Variants in OSMR observed in about 807,000 individuals in gnomAD.
The protein encoded by OSMR is oncostatin M receptor.
Under a neutral mutation model 99.9 loss-of-function variants are expected in OSMR, and 81 were observed. The observed-to-expected ratio is 0.81, with a 90% CI of 0.68 to 0.97. The LOEUF (loss-of-function observed/expected upper bound fraction) is 0.97, where lower values mean the gene tolerates loss of function less well. Ranked by LOEUF, OSMR falls within the 50% of genes least tolerant of loss-of-function variation. The pLI, the probability that OSMR is intolerant of heterozygous loss-of-function variation, is 0.00. For synonymous variants in OSMR, 406 were observed against 410.4 expected (o/e 0.99, Z 0.13); for missense variants, 1,099 against 1,153.4 (o/e 0.95, Z 0.68).
chr5:38,919,453 C>A, intron 11 of OSMR: 2 of 851,184 alleles, frequency 2.3e-6, no homozygotes, highest in Non-Finnish European at 3.3e-6. Context: ...TCAGTCTTTG[C>A]ACCTGGAAAG....
At chr5:38,847,713 G>T (rs1000655142) in intron 1 of OSMR, among the ~76,000 whole-genome samples, 1 of 152,152 alleles carries the variant, frequency 6.6e-6, no homozygotes, top group Non-Finnish European at 1.5e-5. Flanking sequence ...GCCTCCAGTG[G>T]CAGGAAGCTC....
intron 7 of OSMR, among the ~76,000 whole-genome samples, chr5:38,893,632 T>C (rs1226314860): frequency 6.6e-6 from 1 of 151,962 alleles, no homozygotes; most frequent in Non-Finnish European, 1.5e-5. Flanking sequence ...AAAGTAAAGA[T>C]AATTTTAAAA....
At chr5:38,860,984 A>AT (rs1213601537) in intron 1 of OSMR, among the ~76,000 whole-genome samples, 1 of 152,156 alleles carries the variant, frequency 6.6e-6, no homozygotes, top group Non-Finnish European at 1.5e-5. Context: ...TCCTTGACTA[A>AT]TTCATAGACC....
intron 2 of OSMR, among the ~76,000 whole-genome samples, chr5:38,871,955 T>C (rs1378819761): frequency 6.6e-6 from 1 of 152,092 alleles, no homozygotes; most frequent in Non-Finnish European, 1.5e-5. Context: ...GAGGAGAGTA[T>C]GTGATTAAGT....
intron 11 of OSMR, among the ~76,000 whole-genome samples, chr5:38,920,578 C>T (rs1236228677): frequency 1.3e-5 from 2 of 152,160 alleles, no homozygotes; most frequent in Non-Finnish European, 2.9e-5. Context: ...TTAGCTTATA[C>T]CTAGGGCTAC....
chr5:38,872,516 A>G (rs979956742), intron 2 of OSMR, among the ~76,000 whole-genome samples: 2 of 152,228 alleles, frequency 1.3e-5, no homozygotes, highest in Non-Finnish European at 2.9e-5. Flanking sequence ...TGCTCCAAAC[A>G]AGGGCTTAGG....
chr5:38,936,376 A>G (rs1467207830), downstream of OSMR, among the ~76,000 whole-genome samples: 1 of 152,156 alleles, frequency 6.6e-6, no homozygotes, highest in East Asian at 1.9e-4. Context: ...CTTAAAAAAA[A>G]TCAATCAGGA....
intron 7 of OSMR, among the ~76,000 whole-genome samples, chr5:38,892,438 C>T (rs924918571): frequency 2.6e-5 from 4 of 152,158 alleles, no homozygotes; most frequent in African/African-American, 9.7e-5. Flanking sequence ...CCCTTCAGAA[C>T]TCATACATGT....
intron 2 of OSMR, among the ~76,000 whole-genome samples, chr5:38,875,854 C>T (rs1742780060): frequency 6.6e-6 from 1 of 152,132 alleles, no homozygotes; most frequent in South Asian, 2.1e-4. Flanking sequence ...AGAAATGTAA[C>T]ATTTCCATCA....
At position 38,933,616 on chromosome 5, in the gene OSMR, A is replaced by C; in HGVS notation, c.*172A>C. ...AAGGCCAGAGGCTATGGAACTTAAC[A>C]CTCCCCATTGGAGCAAGCTTGCCCT... On this transcript the variant is annotated 3_prime_UTR_variant, in exon 18 of 18. Transcript: ENST00000274276. 3.0e-6 allele frequency: 2 copies of C among 676,760 alleles called. No homozygotes were observed. Among genetic ancestry groups the C allele is most frequent in the South Asian group, 1.8e-5 (1 of 55,878 alleles). The allele number at this position is 676,760 out of a possible 1,614,324, so 41.9% of individuals were successfully genotyped here.
At chr5:38,878,453 T>C (rs1019134045) in intron 3 of OSMR, among the ~76,000 whole-genome samples, 6 of 152,172 alleles carry the variant, frequency 3.9e-5, no homozygotes, top group Admixed American at 3.9e-4. Context: ...ACCTGTCTCC[T>C]GGATGGTACT....
chr5:38,897,022 C>A (rs772676687), intron 7 of OSMR, among the ~76,000 whole-genome samples: 2 of 151,932 alleles, frequency 1.3e-5, no homozygotes, highest in Non-Finnish European at 2.9e-5. Context: ...GATGAATGAT[C>A]TTTTTGGTGT....
intron 1 of OSMR, among the ~76,000 whole-genome samples, chr5:38,849,467 TGTTTG>T (rs375630428): frequency 4.6e-5 from 7 of 150,808 alleles, no homozygotes; most frequent in Admixed American, 6.6e-5. Context: ...TCTTTTTTTT[TGTTTG>T]TTTTTCCCTA....
At chr5:38,921,589 G>A in intron 11 of OSMR, 26 bp from the exon 12 acceptor site, 1 of 1,613,778 alleles carries the variant, frequency 6.2e-7, no homozygotes, top group Non-Finnish European at 8.5e-7. Flanking sequence ...TAAATCTGGA[G>A]CATTGCTCTA....
At chr5:38,885,771 C>A (rs1743687350) in intron 6 of OSMR, 3 of 706,178 alleles carry the variant, frequency 4.2e-6, no homozygotes, top group Non-Finnish European at 5.2e-6. Context: ...CAATTTCTGA[C>A]TTTTTAGGAA....
rs2112390016 is a variant in OSMR, at chr5:38,884,128, T to C, written c.703+17T>C. On this transcript the variant is annotated intron_variant, in intron 5 of 17. Coordinates refer to ENST00000274276, the MANE Select transcript of OSMR (RefSeq NM_003999.3). Reference sequence around the variant, plus strand: ...TTGTCTCAAGTAAGTGTGCAAATTCTCTGTGGCCCTTTCTTCTCATTTCCT... The same window carrying C: ...TTGTCTCAAGTAAGTGTGCAAATTCCCTGTGGCCCTTTCTTCTCATTTCCT... 1 of 1,567,926 alleles carries C rather than the reference T, an allele frequency of 6.4e-7. No individual in the cohort carries two copies. The highest frequency in any genetic ancestry group is 8.8e-7 in the Non-Finnish European group (1 of 1,137,980).
intron 2 of OSMR, among the ~76,000 whole-genome samples, chr5:38,869,318 A>C (rs1011262241): frequency 6.6e-6 from 1 of 152,184 alleles, no homozygotes; most frequent in African/African-American, 2.4e-5. Flanking sequence ...TGGCTCTCTT[A>C]ATAAGCCACC....
In OSMR at chr5:38,923,144, C is replaced by T; in HGVS notation, c.1766-6C>T. Reference sequence around the variant, plus strand: ...TATTAAAAATCTGTTGACTTTTTTTCCCTAGATGCTTTTAGGCCAGGAGTT... The same window carrying T: ...TATTAAAAATCTGTTGACTTTTTTTTCCTAGATGCTTTTAGGCCAGGAGTT... On this transcript the variant is annotated splice_polypyrimidine_tract_variant and splice_region_variant and intron_variant, in intron 12 of 17. Transcript: ENST00000274276. 6.2e-7 allele frequency: 1 copy of T among 1,612,246 alleles called. No individual in the cohort carries two copies. Among genetic ancestry groups the T allele is most frequent in the Non-Finnish European group, 8.5e-7 (1 of 1,178,486 alleles).
rs745476625 is a variant in OSMR at position 38,933,474 on chromosome 5, C to CA, written c.*31dup. 6.2e-7 allele frequency: 1 copy of CA among 1,612,854 alleles called. No homozygotes were observed. Among genetic ancestry groups the CA allele is most frequent in the East Asian group, 2.2e-5 (1 of 44,886 alleles). ...CATGCCGATTTCATACCTTATGCTA[C>CA]ACAGACATTAAGAAGAGCAGAGCTG... On this transcript the variant is annotated 3_prime_UTR_variant, in exon 18 of 18. Transcript: ENST00000274276.
Sources: allele counts gnomAD v4.1 joint callset (sites outside exome capture counted in the v4.1 genomes callset), GRCh38; gene constraint gnomAD v4.1.1; transcripts MANE v1.5; gene names NCBI Gene and HGNC (gene_info 2026-07-23, HGNC 2026-07-21).